ADAM12: variants seen among roughly 807,000 people sequenced by gnomAD.
ADAM12 encodes the protein ADAM metallopeptidase domain 12.
A neutral mutation model predicts 106.4 loss-of-function variants in ADAM12; 70 were observed. The ratio of observed to expected loss-of-function variants is 0.66; its 90% CI spans 0.54 to 0.80. ADAM12 has a LOEUF of 0.80. Ranked by LOEUF, ADAM12 falls within the 30% of genes least tolerant of loss-of-function variation. ADAM12 has a pLI of 0.00. For missense variants in ADAM12, 1,010 were observed against 1,171.9 expected (o/e 0.86, Z 2.02); for synonymous variants, 420 against 433.5 (o/e 0.97, Z 0.39).
chr10:126,310,200 T>A (rs963287134), intron 2 of ADAM12, among the ~76,000 whole-genome samples: 1 of 150,666 alleles, frequency 6.6e-6, no homozygotes, highest in Admixed American at 6.6e-5. Context: ...TTTGGAGTAT[T>A]CTGAAAGGGT....
chr10:126,160,612 C>T (rs10901543), intron 3 of ADAM12, among the ~76,000 whole-genome samples: 22,028 of 152,234 alleles, frequency 0.14, 1,844 homozygotes, highest in Non-Finnish European at 0.19. Context: ...GGAATGAACC[C>T]ACCATGCAGG....
chr10:126,154,136 C>T (rs1259819588), intron 4 of ADAM12, among the ~76,000 whole-genome samples: 1 of 152,154 alleles, frequency 6.6e-6, no homozygotes, highest in Non-Finnish European at 1.5e-5. Flanking sequence ...AGCACCAGGC[C>T]CTCTTTCTGG....
At chr10:126,215,866 C>T (rs80133393) in intron 3 of ADAM12, among the ~76,000 whole-genome samples, 10,473 of 152,212 alleles carry the variant, frequency 0.069, 645 homozygotes, top group East Asian at 0.17. Flanking sequence ...TCATGGTATT[C>T]GCAAATGGCA....
intron 14 of ADAM12, among the ~76,000 whole-genome samples, chr10:126,050,998 T>C (rs1317795909): frequency 6.6e-6 from 1 of 152,186 alleles, no homozygotes; most frequent in African/African-American, 2.4e-5. Flanking sequence ...TGCCCTTTCC[T>C]TCCATCTGTT....
chr10:126,135,750 G>T, intron 4 of ADAM12, 90 bp from the exon 5 acceptor site: 2 of 1,138,166 alleles, frequency 1.8e-6, no homozygotes, highest in Non-Finnish European at 2.6e-6. Flanking sequence ...TTTAACTATA[G>T]AATTTTCCAT....
At chr10:126,239,849 G>A (rs539712761) in intron 3 of ADAM12, among the ~76,000 whole-genome samples, 2 of 152,308 alleles carry the variant, frequency 1.3e-5, no homozygotes, top group South Asian at 4.1e-4. Context: ...CTAAAGGAAG[G>A]CCAGCATCTT....
At position 126,100,610 on chromosome 10, in the gene ADAM12, G is replaced by A. The variant is rs533761204; in HGVS notation, c.911+462C>T. On this transcript the variant is annotated intron_variant, in intron 9 of 22. Coordinates refer to ENST00000448723, the MANE Select transcript of ADAM12 (RefSeq NM_001288973.2). Reference sequence around the variant, plus strand: ...TGTGCCTGTAATCTCAGCTACTCGGGAGGTTGAGGCAGGAGAATCACTTAA... The same window carrying A: ...TGTGCCTGTAATCTCAGCTACTCGGAAGGTTGAGGCAGGAGAATCACTTAA... 3.3e-5 allele frequency among the ~76,000 whole-genome samples: 5 copies of A among 152,122 alleles called. No individual in the cohort carries two copies. In the South Asian group the frequency reaches 1.0e-3, roughly 32 times the overall value.
chr10:126,135,925 T>C (rs113166158), intron 4 of ADAM12, among the ~76,000 whole-genome samples: 89 of 152,332 alleles, frequency 5.8e-4, no homozygotes, highest in South Asian at 5.2e-3. Context: ...AGGAAAGCCC[T>C]GATACAGAAC....
At chr10:126,100,924 G>T in intron 9 of ADAM12, 148 bp downstream of exon 9, 2 of 747,976 alleles carry the variant, frequency 2.7e-6, no homozygotes, top group South Asian at 2.3e-5. Context: ...GGTGGCATCT[G>T]CCCCCCTGGT....
chr10:126,221,171 G>T (rs113588751), intron 3 of ADAM12, among the ~76,000 whole-genome samples: 3,354 of 152,234 alleles, frequency 0.022, 110 homozygotes, highest in African/African-American at 0.072. Context: ...GTCACTTGAG[G>T]TCAGGAGTTC....
At position 126,294,501 on chromosome 10, in the gene ADAM12, C is replaced by T. The variant is rs186267528; in HGVS notation, c.187-15513G>A. Among the ~76,000 whole-genome samples, 308 of 152,238 alleles carry T rather than the reference C, an allele frequency of 2.0e-3. 1 individual carries two copies. Among genetic ancestry groups the T allele is most frequent in the African/African-American group, 7.1e-3 (293 of 41,558 alleles). On this transcript the variant is annotated intron_variant, in intron 2 of 22. Transcript: ENST00000448723. ...TGCAGGATTTCTCCCGCGACAGTCT[C>T]GGCTGTTCAGGTTTCCTCCCTGTTC... is the stretch of plus-strand genomic sequence containing the variant.
chr10:126,191,402 G>A (rs1231159366), intron 3 of ADAM12, among the ~76,000 whole-genome samples: 2 of 152,116 alleles, frequency 1.3e-5, no homozygotes, highest in Non-Finnish European at 2.9e-5. Context: ...AGCAGGAGGG[G>A]AAGCCTGGAG....
intron 2 of ADAM12, among the ~76,000 whole-genome samples, chr10:126,326,142 T>C (rs558460445): frequency 6.6e-6 from 1 of 152,094 alleles, no homozygotes; most frequent in African/African-American, 2.4e-5. Flanking sequence ...TGGCATTGGA[T>C]GCAGCATCAA....
At chr10:126,033,964 T>A (rs562615567) in intron 21 of ADAM12, among the ~76,000 whole-genome samples, 4 of 152,336 alleles carry the variant, frequency 2.6e-5, no homozygotes, top group African/African-American at 9.6e-5. Context: ...TAAAGAAAGT[T>A]TTTCAGACAG....
intron 3 of ADAM12, among the ~76,000 whole-genome samples, chr10:126,276,462 T>A (rs575265081): frequency 1.3e-3 from 201 of 152,192 alleles, no homozygotes; most frequent in Non-Finnish European, 2.0e-3. Context: ...CTCTACTTGA[T>A]TTTTTTTGTT....
At position 126,017,347 on chromosome 10, in the gene ADAM12, AAG is replaced by A. The variant is rs1231227205; in HGVS notation, c.2661-10_2661-9del. ...GGATATTGTGGAGCAGGTCTGAATG[AAG>A]AGAGGAGAAAAAAAAATGATCAGAG... On this transcript the variant is annotated splice_polypyrimidine_tract_variant and intron_variant, in intron 22 of 22. Transcript: ENST00000448723. 8.3e-6 allele frequency: 13 copies of A among 1,571,206 alleles called. No homozygotes were observed. The East Asian group carries it at 9.2e-5, about 11-fold the overall frequency.
intron 3 of ADAM12, among the ~76,000 whole-genome samples, chr10:126,159,135 C>A (rs1396898439): frequency 4.0e-5 from 6 of 151,882 alleles, no homozygotes; most frequent in African/African-American, 1.5e-4. Context: ...CGGTGAAACC[C>A]CGTCTCTACT....
At position 126,207,485 on chromosome 10, in the gene ADAM12, G is replaced by A. The variant is rs113845343; in HGVS notation, c.261-52180C>T. On this transcript the variant is annotated intron_variant, in intron 3 of 22. Coordinates refer to ENST00000448723, the MANE Select transcript of ADAM12 (RefSeq NM_001288973.2). ...ATTTAAGAGAACATTCTCAAAGAGT[G>A]CTCATGATACATCTGTGCAATTCCA... Among the ~76,000 whole-genome samples, 100 of 152,288 alleles carry A rather than the reference G, an allele frequency of 6.6e-4. 1 individual carries two copies. Among genetic ancestry groups the A allele is most frequent in the African/African-American group, 2.3e-3 (95 of 41,568 alleles).
At chr10:126,181,027 A>G (rs1021177617) in intron 3 of ADAM12, among the ~76,000 whole-genome samples, 1 of 152,192 alleles carries the variant, frequency 6.6e-6, no homozygotes, top group African/African-American at 2.4e-5. Flanking sequence ...ATAAATAACT[A>G]ATAAAGAATC....
Sources: allele counts gnomAD v4.1 joint callset (sites outside exome capture counted in the v4.1 genomes callset), GRCh38; gene constraint gnomAD v4.1.1; transcripts MANE v1.5; gene names NCBI Gene and HGNC (gene_info 2026-07-23, HGNC 2026-07-21).